FAM135A: variants seen among roughly 807,000 people sequenced by gnomAD.
FAM135A encodes the protein family with sequence similarity 135 member A, also known as protein FAM135A.
In FAM135A, 79 loss-of-function variants were observed where a neutral mutation model predicts 146.8. That is an observed-to-expected ratio of 0.54 (90% CI 0.45 to 0.65). The LOEUF (loss-of-function observed/expected upper bound fraction) is 0.65. FAM135A is among the 30% of genes least tolerant of loss of function. The probability of loss-of-function intolerance (pLI) is 0.00; values close to 1 mark genes in which losing one functional copy is unlikely to be tolerated. For missense variants in FAM135A, 1,623 were observed against 1,758.2 expected (o/e 0.92, Z 1.38); for synonymous variants, 562 against 603.6 (o/e 0.93, Z 1.01).
In FAM135A at chr6:70,474,410, C is replaced by T. The variant is rs540260565; in HGVS notation, c.158-1000C>T. Among the ~76,000 whole-genome samples the T allele has an allele frequency of 5.9e-5, 9 of 152,226 alleles. No homozygotes were observed. The South Asian group carries it at 1.0e-3, about 18-fold the overall frequency. ...AAACTTCAAATGGTAAGGACATAGTCCTCCACAAGACTCCCCTCACGTCAG... is the reference window on the plus strand; with the variant it reads ...AAACTTCAAATGGTAAGGACATAGTTCTCCACAAGACTCCCCTCACGTCAG... On this transcript the variant is annotated intron_variant, in intron 5 of 21. Coordinates refer to ENST00000418814, the MANE Select transcript of FAM135A (RefSeq NM_001162529.3).
intron 10 of FAM135A, chr6:70,486,190 T>C (rs1284689768): frequency 6.2e-7 from 1 of 1,613,864 alleles, no homozygotes. Flanking sequence ...GCAGCTCCTA[T>C]ATGAGCGTCT....
At position 70,518,795 on chromosome 6, in the gene FAM135A, G is replaced by A. The variant is rs1792874316; in HGVS notation, c.1030-3718G>A. Among the ~76,000 whole-genome samples the A allele has an allele frequency of 2.6e-5, 4 of 152,136 alleles. No individual in the cohort carries two copies. The South Asian group carries it at 8.3e-4, about 32-fold the overall frequency. ...GCCCACTGTTGAGACCTACAGTTCA[G>A]GAATAAAAAGATTCCTTTCAGAATA... On this transcript the variant is annotated intron_variant, in intron 12 of 21. Transcript: ENST00000418814.
intron 4 of FAM135A, among the ~76,000 whole-genome samples, chr6:70,448,581 G>A (rs969418612): frequency 3.9e-5 from 6 of 152,136 alleles, no homozygotes; most frequent in Non-Finnish European, 7.3e-5. Context: ...TAACCCAGTG[G>A]TGCTAGAGGA....
intron 8 of FAM135A, among the ~76,000 whole-genome samples, chr6:70,479,097 C>T (rs1783201199): frequency 6.6e-6 from 1 of 152,124 alleles, no homozygotes; most frequent in Non-Finnish European, 1.5e-5. Flanking sequence ...TTAACTATTT[C>T]TTTTTAAGAT....
At chr6:70,442,238 G>GTTT (rs147268217) in intron 4 of FAM135A, among the ~76,000 whole-genome samples, 6,746 of 136,206 alleles carry the variant, frequency 0.05, 632 homozygotes, top group African/African-American at 0.16. Flanking sequence ...TTTCTTCATG[G>GTTT]GTTTTTTTTT....
In FAM135A at chr6:70,455,944, C is replaced by T. The variant is rs146253422; in HGVS notation, c.157+3373C>T. Among the ~76,000 whole-genome samples, 876 of 152,174 alleles carry T rather than the reference C, an allele frequency of 5.8e-3. 3 individuals carry two copies. The highest frequency in any genetic ancestry group is 8.2e-3 in the Non-Finnish European group (558 of 67,980). ...TCGGCTCACTGCAACCTCCGCCTGC[C>T]GGGTTCAAGCAATTCTCTTGTCTCA... On this transcript the variant is annotated intron_variant, in intron 5 of 21. Coordinates refer to ENST00000418814, the MANE Select transcript of FAM135A (RefSeq NM_001162529.3).
At chr6:70,432,946 C>T (rs917886602) in intron 4 of FAM135A, among the ~76,000 whole-genome samples, 1 of 151,382 alleles carries the variant, frequency 6.6e-6, no homozygotes, top group African/African-American at 2.4e-5. Context: ...GTTAAAAGGA[C>T]AATATAAAGC....
intron 12 of FAM135A, among the ~76,000 whole-genome samples, chr6:70,513,011 ACAT>A (rs1173813256): frequency 1.3e-5 from 2 of 151,180 alleles, no homozygotes; most frequent in African/African-American, 2.4e-5. Context: ...CAGGTTTTTG[ACAT>A]CATTTATTGA....
chr6:70,549,916 G>A (rs185997556), intron 20 of FAM135A, among the ~76,000 whole-genome samples: 2 of 152,086 alleles, frequency 1.3e-5, no homozygotes, highest in Non-Finnish European at 2.9e-5. Flanking sequence ...AACTCTTTAT[G>A]TAATATTCCA....
intron 5 of FAM135A, among the ~76,000 whole-genome samples, chr6:70,467,680 TC>T (rs1346334628): frequency 6.6e-6 from 1 of 152,030 alleles, no homozygotes; most frequent in Non-Finnish European, 1.5e-5. Context: ...TCTTTTACTC[TC>T]TTATTCTCTC....
chr6:70,539,682 G>T (rs898112503), intron 20 of FAM135A, among the ~76,000 whole-genome samples: 3 of 152,096 alleles, frequency 2.0e-5, no homozygotes, highest in Non-Finnish European at 4.4e-5. Context: ...ATGACCTCCT[G>T]GTTATCCCAG....
chr6:70,492,440 A>G (rs1786217954), intron 11 of FAM135A, among the ~76,000 whole-genome samples: 1 of 151,836 alleles, frequency 6.6e-6, no homozygotes, highest in Admixed American at 6.6e-5. Context: ...CCCTCAGACA[A>G]TTTTTAAAAA....
At chr6:70,471,785 A>T (rs1183182376) in intron 5 of FAM135A, among the ~76,000 whole-genome samples, 1 of 152,180 alleles carries the variant, frequency 6.6e-6, no homozygotes. Flanking sequence ...TGGTAATATA[A>T]AAGTCTGGAG....
chr6:70,548,744 T>G (rs538924962), intron 20 of FAM135A, among the ~76,000 whole-genome samples: 1 of 152,260 alleles, frequency 6.6e-6, no homozygotes, highest in Non-Finnish European at 1.5e-5. Flanking sequence ...GTGAGGAAGT[T>G]TTAATGATCA....
At position 70,528,466 on chromosome 6, in the gene FAM135A, A is replaced by G. The variant is rs1582777258; in HGVS notation, c.3775+14A>G. On this transcript the variant is annotated intron_variant, in intron 16 of 21. Coordinates refer to ENST00000418814, the MANE Select transcript of FAM135A (RefSeq NM_001162529.3). ...ACGGTTTAGATGGTATGTGACATCT[A>G]TGGATGTAACCCAGAGCAACTCAAT... The G allele has an allele frequency of 2.5e-6, 4 of 1,572,868 alleles. No individual in the cohort carries two copies. The South Asian group carries it at 3.6e-5, about 14-fold the overall frequency.
intron 11 of FAM135A, among the ~76,000 whole-genome samples, chr6:70,493,276 G>A (rs1417485020): frequency 6.6e-6 from 1 of 151,998 alleles, no homozygotes; most frequent in Non-Finnish European, 1.5e-5. Context: ...TTGTGTTTAT[G>A]TGATTACATA....
chr6:70,520,723 AT>A (rs538574385), intron 12 of FAM135A, among the ~76,000 whole-genome samples: 1 of 152,142 alleles, frequency 6.6e-6, no homozygotes, highest in Non-Finnish European at 1.5e-5. Context: ...TAAATTAAAA[AT>A]TTTTTTCTGT....
chr6:70,474,676 G>A (rs1386071386), intron 5 of FAM135A, among the ~76,000 whole-genome samples: 2 of 152,150 alleles, frequency 1.3e-5, no homozygotes, highest in Non-Finnish European at 2.9e-5. Context: ...ATTAAGTAAG[G>A]ACGCATTAAC....
At chr6:70,419,576 T>A (rs3846750) in intron 2 of FAM135A, among the ~76,000 whole-genome samples, 30,632 of 152,186 alleles carry the variant, frequency 0.2, 3,373 homozygotes, top group African/African-American at 0.29. Context: ...CATTCCCATC[T>A]TATTTCTGTT....
Sources: allele counts gnomAD v4.1 joint callset (sites outside exome capture counted in the v4.1 genomes callset), GRCh38; gene constraint gnomAD v4.1.1; transcripts MANE v1.5; gene names NCBI Gene and HGNC (gene_info 2026-07-23, HGNC 2026-07-21).